Variants in CBR4 observed in about 807,000 individuals in gnomAD.
CBR4 encodes the protein 3-oxoacyl-[acyl-carrier-protein] reductase.
Under a neutral mutation model 21.0 loss-of-function variants are expected in CBR4, and 22 were observed. That is an observed-to-expected ratio of 1.05 (90% CI 0.75 to 1.50). The LOEUF (loss-of-function observed/expected upper bound fraction) is 1.50. Among genes scored for constraint, CBR4 ranks in the 40% most tolerant of loss-of-function variants. The pLI is 0.00. For missense variants in CBR4, 302 were observed against 286.3 expected (o/e 1.05, Z -0.40); for synonymous variants, 100 against 104.4 (o/e 0.96, Z 0.26).
At chr4:168,950,054 T>C (rs1763497482) in intron 2 of CBR4, among the ~76,000 whole-genome samples, 1 of 152,192 alleles carries the variant, frequency 6.6e-6, no homozygotes, top group African/African-American at 2.4e-5. Context: ...ATTTATCTTT[T>C]CAAAGAATCA....
At chr4:168,902,272 G>A (rs1013302002) in intron 2 of CBR4, among the ~76,000 whole-genome samples, 4 of 152,038 alleles carry the variant, frequency 2.6e-5, no homozygotes, top group Admixed American at 6.6e-5. Flanking sequence ...TAGGAATCAG[G>A]AATACTTTTG....
chr4:168,948,049 GATTTTTTCATTA>G (rs1763441833), intron 2 of CBR4, among the ~76,000 whole-genome samples: 1 of 152,042 alleles, frequency 6.6e-6, no homozygotes, highest in South Asian at 2.1e-4. Context: ...ACTGTTTTTT[GATTTTTTCATTA>G]TGGCCATTCT....
At chr4:168,899,167 T>G (rs1474260289) in intron 2 of CBR4, among the ~76,000 whole-genome samples, 2 of 152,138 alleles carry the variant, frequency 1.3e-5, no homozygotes, top group African/African-American at 4.8e-5. Context: ...CTTATATTAA[T>G]ATTTACAGAG....
chr4:168,982,167 A>G (rs1049085987), intron 2 of CBR4, among the ~76,000 whole-genome samples: 1 of 152,208 alleles, frequency 6.6e-6, no homozygotes, highest in African/African-American at 2.4e-5. Context: ...GCTGTCTTCA[A>G]GAGACCATCT....
At chr4:168,927,543 T>C (rs188789972) in intron 2 of CBR4, 45 of 230,996 alleles carry the variant, frequency 1.9e-4, no homozygotes, top group African/African-American at 8.8e-4. Context: ...CTAGTCTACT[T>C]GAAGGAAGTG....
chr4:168,916,855 G>C (rs982050712), intron 2 of CBR4, among the ~76,000 whole-genome samples: 1 of 151,446 alleles, frequency 6.6e-6, no homozygotes, highest in African/African-American at 2.4e-5. Flanking sequence ...ATTTTTAGTA[G>C]AGATGGGGTT....
chr4:168,923,155 T>C (rs1761920201), intron 2 of CBR4, among the ~76,000 whole-genome samples: 1 of 152,258 alleles, frequency 6.6e-6, no homozygotes, highest in East Asian at 1.9e-4. Flanking sequence ...ATACATTTTA[T>C]GTTCTTTGCA....
intron 2 of CBR4, among the ~76,000 whole-genome samples, chr4:168,899,552 AC>A (rs1756000241): frequency 6.6e-6 from 1 of 152,188 alleles, no homozygotes; most frequent in African/African-American, 2.4e-5. Flanking sequence ...TGAAGAAATA[AC>A]CATGAGGAGA....
chr4:168,902,674 C>T (rs768038382), intron 2 of CBR4, among the ~76,000 whole-genome samples: 4 of 152,080 alleles, frequency 2.6e-5, no homozygotes, highest in African/African-American at 4.8e-5. Context: ...CCTTAGAACT[C>T]GGACATCCAT....
chr4:168,919,589 T>C (rs546494081), intron 2 of CBR4, among the ~76,000 whole-genome samples: 1 of 148,466 alleles, frequency 6.7e-6, no homozygotes, highest in East Asian at 1.9e-4. Context: ...AAAAAGTTAG[T>C]GTATTTAAGC....
rs764301638 is a variant in CBR4 at position 168,996,859 on chromosome 4, C to T, written c.535+5212G>A. Among the ~76,000 whole-genome samples the T allele has an allele frequency of 5.9e-5, 9 of 152,142 alleles. No individual in the cohort carries two copies. In the South Asian group the frequency reaches 6.2e-4, roughly 10 times the overall value. On this transcript the variant is annotated intron_variant, in intron 4 of 4. Coordinates refer to ENST00000306193, the MANE Select transcript of CBR4 (RefSeq NM_032783.5). ...ATTTTATATTAAAGGTTATGAACCA[C>T]GTGATCTTCATTTATAAATATATTC...
intron 2 of CBR4, among the ~76,000 whole-genome samples, chr4:168,923,806 T>C (rs537078092): frequency 1.3e-5 from 2 of 152,304 alleles, no homozygotes; most frequent in African/African-American, 4.8e-5. Context: ...TTCAGAATAT[T>C]CATGGCAAAC....
At chr4:168,951,204 AC>A (rs1289738394) in intron 2 of CBR4, among the ~76,000 whole-genome samples, 1 of 152,028 alleles carries the variant, frequency 6.6e-6, no homozygotes, top group Non-Finnish European at 1.5e-5. Context: ...GATTACAGGC[AC>A]CCACCACCAC....
intron 2 of CBR4, among the ~76,000 whole-genome samples, chr4:168,920,617 GTTA>G (rs1761281621): frequency 6.6e-6 from 1 of 152,082 alleles, no homozygotes; most frequent in African/African-American, 2.4e-5. Flanking sequence ...GGCACAACAT[GTTA>G]TTAGCAATTA....
intron 2 of CBR4, among the ~76,000 whole-genome samples, chr4:168,955,593 G>A (rs1763661714): frequency 6.6e-6 from 1 of 152,134 alleles, no homozygotes; most frequent in Non-Finnish European, 1.5e-5. Context: ...AAGAGTGAGT[G>A]AGTGGAAAAT....
At chr4:168,920,462 A>G (rs1486714082) in intron 2 of CBR4, among the ~76,000 whole-genome samples, 1 of 152,162 alleles carries the variant, frequency 6.6e-6, no homozygotes, top group East Asian at 1.9e-4. Context: ...TTTACAGTCT[A>G]AGTGACATCT....
At chr4:168,936,939 A>T (rs528002492) in intron 2 of CBR4, among the ~76,000 whole-genome samples, 21 of 152,308 alleles carry the variant, frequency 1.4e-4, no homozygotes, top group African/African-American at 5.1e-4. Context: ...CAGAGAAAAC[A>T]AAGATACTCC....
intron 2 of CBR4, among the ~76,000 whole-genome samples, chr4:168,910,901 C>T (rs568520891): frequency 6.6e-6 from 1 of 152,226 alleles, no homozygotes; most frequent in Non-Finnish European, 1.5e-5. Flanking sequence ...AAGCATATAC[C>T]TCATGTAAAG....
chr4:168,922,385 T>G (rs1041643764), intron 2 of CBR4, among the ~76,000 whole-genome samples: 2 of 152,234 alleles, frequency 1.3e-5, no homozygotes, highest in African/African-American at 4.8e-5. Context: ...CATTTATTTC[T>G]TCTACCTCTT....
Sources: allele counts gnomAD v4.1 joint callset (sites outside exome capture counted in the v4.1 genomes callset), GRCh38; gene constraint gnomAD v4.1.1; transcripts MANE v1.5; gene names NCBI Gene and HGNC (gene_info 2026-07-23, HGNC 2026-07-21).